AMN1: variants seen among roughly 807,000 people sequenced by gnomAD.
AMN1 encodes protein AMN1 homolog.
A neutral mutation model predicts 33.0 loss-of-function variants in AMN1; 20 were observed. The ratio of observed to expected loss-of-function variants is 0.61; its 90% CI spans 0.43 to 0.88. AMN1 has a LOEUF of 0.88. AMN1 is among the 40% of genes least tolerant of loss of function. The pLI, the probability that AMN1 is intolerant of heterozygous loss-of-function variation, is 0.00. For missense variants in AMN1, 246 were observed against 307.4 expected (o/e 0.80, Z 1.49); for synonymous variants, 114 against 111.9 (o/e 1.02, Z -0.12).
At chr12:31,725,863 T>A (rs1446325369) in intron 1 of AMN1, among the ~76,000 whole-genome samples, 2 of 151,912 alleles carry the variant, frequency 1.3e-5, no homozygotes, top group African/African-American at 2.4e-5. Context: ...GCCCAGTTAA[T>A]TTTTTTTGTA....
Position 31,725,398 on chromosome 12 carries a change from A to G in AMN1, c.38+3573T>C, listed in dbSNP as rs116262922. ...TATAATCTTTAAAAGCTGTAAAACA[A>G]TTGGGGAGACGGGTGGATATCCCAA... is the stretch of plus-strand genomic sequence containing the variant. On this transcript the variant is annotated intron_variant, in intron 1 of 6. Coordinates refer to ENST00000281471, the MANE Select transcript of AMN1 (RefSeq NM_001113402.2). 1.1e-3 allele frequency among the ~76,000 whole-genome samples: 174 copies of G among 152,368 alleles called. 1 individual carries two copies. The highest frequency in any genetic ancestry group is 4.1e-3 in the African/African-American group (171 of 41,586).
intron 1 of AMN1, among the ~76,000 whole-genome samples, chr12:31,717,010 AT>A (rs531277373): frequency 1.3e-4 from 19 of 148,028 alleles, no homozygotes; most frequent in Non-Finnish European, 1.1e-4. Context: ...CCAGGAACTG[AT>A]TTTTTTTTTT....
Position 31,716,224 on chromosome 12 carries a change from G to T in AMN1, c.39-6799C>A, listed in dbSNP as rs532164381. On this transcript the variant is annotated intron_variant, in intron 1 of 6. Coordinates refer to ENST00000281471, the MANE Select transcript of AMN1 (RefSeq NM_001113402.2). Reference sequence around the variant, plus strand: ...GTTGTTCATGTCCATTTTCACTAACGTATAATATTCTGTTGTTTGACCAAT... The same window carrying T: ...GTTGTTCATGTCCATTTTCACTAACTTATAATATTCTGTTGTTTGACCAAT... Among the ~76,000 whole-genome samples the T allele has an allele frequency of 2.6e-5, 4 of 152,124 alleles. No homozygotes were observed. The South Asian group carries it at 8.3e-4, about 32-fold the overall frequency.
chr12:31,722,915 G>A (rs1939928125), intron 1 of AMN1, among the ~76,000 whole-genome samples: 1 of 152,138 alleles, frequency 6.6e-6, no homozygotes, highest in South Asian at 2.1e-4. Flanking sequence ...CCAGAACTTT[G>A]GGAGGCTGAG....
At chr12:31,696,844 C>A (rs1938747791) in intron 5 of AMN1, among the ~76,000 whole-genome samples, 1 of 151,324 alleles carries the variant, frequency 6.6e-6, no homozygotes, top group Admixed American at 6.6e-5. Flanking sequence ...GTGCTTGAAC[C>A]TGGGAGGTGG....
Position 31,672,127 on chromosome 12 carries a change from T to G in AMN1, c.*177A>C, listed in dbSNP as rs1457666828. On this transcript the variant is annotated 3_prime_UTR_variant, in exon 7 of 7. Transcript: ENST00000281471. ...ATAGCACTTTAAAGATGTTTAAGAG[T>G]AAAGCACAAACCATGTATATACCAA... 1.9e-6 allele frequency: 1 copy of G among 538,522 alleles called. No individual in the cohort carries two copies. The highest frequency in any genetic ancestry group is 5.0e-4 in the Middle Eastern group (1 of 1,998). The allele number at this position is 538,522 out of a possible 1,614,324, so 33.4% of individuals were successfully genotyped here. A position where few individuals can be genotyped will look rare whatever the true frequency, so the allele number is the denominator to read the frequency against.
intron 5 of AMN1, among the ~76,000 whole-genome samples, chr12:31,696,466 C>T (rs1938732023): frequency 6.6e-6 from 1 of 151,794 alleles, no homozygotes; most frequent in South Asian, 2.1e-4. Flanking sequence ...TGCCTACTTC[C>T]AAAAAGGATT....
chr12:31,681,945 G>T (rs1938034598), intron 6 of AMN1, among the ~76,000 whole-genome samples: 1 of 152,088 alleles, frequency 6.6e-6, no homozygotes, highest in South Asian at 2.1e-4. Flanking sequence ...CCAAAGTGCT[G>T]GGATTACAGG....
chr12:31,705,767 T>C (rs1565776122), intron 2 of AMN1, among the ~76,000 whole-genome samples: 1 of 152,112 alleles, frequency 6.6e-6, no homozygotes, highest in Non-Finnish European at 1.5e-5. Flanking sequence ...CCAGAACATA[T>C]AGCCCTCCTG....
intron 2 of AMN1, among the ~76,000 whole-genome samples, chr12:31,703,181 C>A (rs746972544): frequency 1.3e-5 from 2 of 152,124 alleles, no homozygotes; most frequent in Non-Finnish European, 2.9e-5. Context: ...AAGAACATAG[C>A]CAAAAGGAGT....
rs556647500 is a variant in AMN1, at chr12:31,725,288, A to G, written c.38+3683T>C. ...TCCTAGAGCAAAAAGTTAGGTTGACATAAGTGGTGTTGATTCTCAGGCCCC... is the reference window on the plus strand; with the variant it reads ...TCCTAGAGCAAAAAGTTAGGTTGACGTAAGTGGTGTTGATTCTCAGGCCCC... On this transcript the variant is annotated intron_variant, in intron 1 of 6. Coordinates refer to ENST00000281471, the MANE Select transcript of AMN1 (RefSeq NM_001113402.2). Among the ~76,000 whole-genome samples, 5 of 152,370 alleles carry G rather than the reference A, an allele frequency of 3.3e-5. No individual in the cohort carries two copies. The East Asian group carries it at 9.6e-4, about 29-fold the overall frequency.
At chr12:31,714,027 A>AT (rs1437041345) in intron 1 of AMN1, among the ~76,000 whole-genome samples, 1 of 152,058 alleles carries the variant, frequency 6.6e-6, no homozygotes, top group Non-Finnish European at 1.5e-5. Context: ...TAAATTATTG[A>AT]TTTTTAAAAT....
intron 2 of AMN1, among the ~76,000 whole-genome samples, chr12:31,703,653 A>C (rs186012919): frequency 2.0e-5 from 3 of 152,318 alleles, no homozygotes; most frequent in African/African-American, 7.2e-5. Flanking sequence ...ATTCATTTTG[A>C]TGTTTTTTGA....
intron 1 of AMN1, among the ~76,000 whole-genome samples, chr12:31,719,685 C>T (rs1939809520): frequency 6.6e-6 from 1 of 152,140 alleles, no homozygotes; most frequent in Admixed American, 6.5e-5. Context: ...TCTGAGAAAA[C>T]TGTTTGGCCT....
chr12:31,701,204 GGTCA>G (rs1938984421), intron 3 of AMN1, among the ~76,000 whole-genome samples: 1 of 150,484 alleles, frequency 6.6e-6, no homozygotes, highest in Middle Eastern at 3.4e-3. Flanking sequence ...TCTCCATGTT[GGTCA>G]GGCTGGTCTC....
Position 31,687,448 on chromosome 12 carries a change from T to A in AMN1, c.703+1559A>T, listed in dbSNP as rs1220364190. 6.6e-6 allele frequency among the ~76,000 whole-genome samples: 1 copy of A among 152,180 alleles called. No homozygotes were observed. The highest frequency in any genetic ancestry group is 1.5e-5 in the Non-Finnish European group (1 of 68,022). ...GCTCACGCCTGTGATCCCAGCACTTTGGGAGGCTGGGGTGGGTGGATCATG... is the reference window on the plus strand; with the variant it reads ...GCTCACGCCTGTGATCCCAGCACTTAGGGAGGCTGGGGTGGGTGGATCATG... On this transcript the variant is annotated intron_variant, in intron 6 of 6. Transcript: ENST00000281471. The surrounding 1 kb of genome is among the most constrained non-coding windows in gnomAD (Gnocchi z 4.1).
intron 3 of AMN1, among the ~76,000 whole-genome samples, chr12:31,699,395 C>CAAAAAA (rs34860207): frequency 0.011 from 401 of 36,524 alleles, 30 homozygotes; most frequent in South Asian, 0.039. Flanking sequence ...GACTCTGTCT[C>CAAAAAA]AAAAAAAAAA....
At chr12:31,728,174 A>G (rs1940157600) in intron 1 of AMN1, among the ~76,000 whole-genome samples, 2 of 152,312 alleles carry the variant, frequency 1.3e-5, no homozygotes, top group South Asian at 4.1e-4. Flanking sequence ...TCAGTAGATT[A>G]AGGAGATTGT....
At chr12:31,711,695 A>C (rs1297596219) in intron 1 of AMN1, among the ~76,000 whole-genome samples, 1 of 152,168 alleles carries the variant, frequency 6.6e-6, no homozygotes, top group Non-Finnish European at 1.5e-5. Context: ...ATCACCTTAA[A>C]TATTTATCTT....
Sources: gnomAD v4.1 joint callset for allele counts (sites outside exome capture counted in the v4.1 genomes callset) on GRCh38, gnomAD v4.1.1 for gene constraint, Gnocchi (gnomAD v3.1) non-coding constraint, MANE v1.5 for transcripts, NCBI Gene and HGNC (gene_info 2026-07-23, HGNC 2026-07-21) for gene names.